CCT8: variants seen among roughly 807,000 people sequenced by gnomAD.
CCT8 encodes T-complex protein 1 subunit theta.
A neutral mutation model predicts 65.7 loss-of-function variants in CCT8; 10 were observed. That is an observed-to-expected ratio of 0.15 (90% CI 0.09 to 0.26). The LOEUF (loss-of-function observed/expected upper bound fraction) is 0.26, where lower values mean the gene tolerates loss of function less well. CCT8 is among the 10% of genes least tolerant of loss of function. The pLI, the probability that CCT8 is intolerant of heterozygous loss-of-function variation, is 1.00. For missense variants in CCT8, 568 were observed against 669.1 expected (o/e 0.85, Z 1.67); for synonymous variants, 199 against 221.8 (o/e 0.90, Z 0.92).
intron 6 of CCT8, among the ~76,000 whole-genome samples, chr21:29,066,411 A>G (rs2085622921): frequency 6.6e-6 from 1 of 151,994 alleles, no homozygotes; most frequent in Non-Finnish European, 1.5e-5. Context: ...GTGGTGGCGC[A>G]TGCCTGTAAT....
Position 29,062,427 on chromosome 21 carries a change from T to C in CCT8, c.1009-12A>G, listed in dbSNP as rs373381503. 11 of 1,612,190 alleles carry C rather than the reference T, an allele frequency of 6.8e-6. No homozygotes were observed. The highest frequency in any genetic ancestry group is 7.6e-6 in the Non-Finnish European group (9 of 1,178,292). On this transcript the variant is annotated splice_polypyrimidine_tract_variant and intron_variant, in intron 9 of 14. Transcript: ENST00000286788. ...AGGACAGGAGGTGTCTGTAAGAAAG[T>C]GACTGTTGTAATAAAAATTCCATCT...
At chr21:29,064,409 T>TAAAAA (rs34760776) in intron 7 of CCT8, among the ~76,000 whole-genome samples, 11 of 26,716 alleles carry the variant, frequency 4.1e-4, no homozygotes, top group Admixed American at 6.0e-4. Context: ...AGCAAGACTC[T>TAAAAA]AAAAAAAAAA....
intron 1 of CCT8, chr21:29,072,042 T>A: frequency 1.4e-6 from 1 of 691,420 alleles, no homozygotes; most frequent in Non-Finnish European, 2.6e-6. Context: ...CATTCCTTCC[T>A]CAGGGTCTTT....
chr21:29,059,879 T>C (rs1462318114), intron 14 of CCT8: 1 of 152,226 alleles, frequency 6.6e-6, no homozygotes, highest in African/African-American at 2.4e-5. Context: ...TAATATGACA[T>C]ATGACTTTTA....
At chr21:29,071,979 G>A (rs2085685377) in intron 1 of CCT8, 1 of 701,714 alleles carries the variant, frequency 1.4e-6, no homozygotes, top group Non-Finnish European at 2.6e-6. Context: ...GTAAGCTTCA[G>A]CCCTACAACC....
chr21:29,073,336 G>T, intron 1 of CCT8, 195 bp downstream of exon 1: 1 of 1,416,726 alleles, frequency 7.1e-7, no homozygotes, highest in Non-Finnish European at 9.2e-7. Context: ...TCTCCCGGTC[G>T]CGGAAGAAGA....
chr21:29,062,194 G>A lies in CCT8; in HGVS notation c.1146C>T (p.Asp382=), dbSNP rs1338364248. ...ISTIVLRGST[D]NLMDDIERAV... Reference sequence around the variant, plus strand: ...CCCTTTCTATGTCATCCATCAGATTGTCTGTAGAGCCTCGAAGTACTATGG... The same window carrying A: ...CCCTTTCTATGTCATCCATCAGATTATCTGTAGAGCCTCGAAGTACTATGG... The change falls in exon 11 of 15, where the codon GAC becomes GAT. Residue 382 remains aspartate, a synonymous_variant. Transcript: ENST00000286788. 1.2e-6 allele frequency: 2 copies of A among 1,613,686 alleles called. No homozygotes were observed. Among genetic ancestry groups the A allele is most frequent in the Non-Finnish European group, 8.5e-7 (1 of 1,179,920 alleles).
At chr21:29,064,368 T>C (rs1041779413) in intron 7 of CCT8, among the ~76,000 whole-genome samples, 1 of 130,020 alleles carries the variant, frequency 7.7e-6, no homozygotes, top group Non-Finnish European at 1.5e-5. Context: ...GGAGCCAAGA[T>C]TGTACCACTG....
chr21:29,069,545 A>T, intron 2 of CCT8, 43 bp from the exon 3 acceptor site: 1 of 1,187,062 alleles, frequency 8.4e-7, no homozygotes, highest in South Asian at 1.5e-5. Context: ...AGCCATTATT[A>T]ATCAAATCCT....
intron 4 of CCT8, 24 bp from the exon 5 acceptor site, chr21:29,067,095 A>G: frequency 6.4e-7 from 1 of 1,562,126 alleles, no homozygotes; most frequent in South Asian, 1.2e-5. Context: ...AACATTTCCT[A>G]TTCTGACATG....
chr21:29,066,698 A>G lies in CCT8; in HGVS notation c.624+18T>C. The G allele has an allele frequency of 1.3e-6, 2 of 1,550,796 alleles. No homozygotes were observed. Among genetic ancestry groups the G allele is most frequent in the Non-Finnish European group, 1.8e-6 (2 of 1,135,880 alleles). On this transcript the variant is annotated intron_variant, in intron 6 of 14. Transcript: ENST00000286788. ...AAAACTGACCTAGATATGTAGCATTAATGCATTTTCTACTTACCAGAATTT... is the reference window on the plus strand; with the variant it reads ...AAAACTGACCTAGATATGTAGCATTGATGCATTTTCTACTTACCAGAATTT...
At position 29,073,613 on chromosome 21, in the gene CCT8, C is replaced by G; in HGVS notation, c.-23G>C. ...CATGGCCAGCCTGCAGGAAGCAGTT[C>G]ACGCGACCGCTCGGAAGACCGCGGA... On this transcript the variant is annotated 5_prime_UTR_variant, in exon 1 of 15. Coordinates refer to ENST00000286788, the MANE Select transcript of CCT8 (RefSeq NM_006585.4). The G allele has an allele frequency of 1.2e-6, 2 of 1,612,888 alleles. No individual in the cohort carries two copies. The highest frequency in any genetic ancestry group is 1.7e-6 in the Non-Finnish European group (2 of 1,179,188).
chr21:29,063,288 A>T, intron 8 of CCT8, 64 bp downstream of exon 8: 1 of 1,243,244 alleles, frequency 8.0e-7, no homozygotes, highest in Non-Finnish European at 1.2e-6. Context: ...TATTTCGTTT[A>T]GTGTTTTCAC....
At chr21:29,060,701 T>C (rs1458089841) in intron 13 of CCT8, 41 bp from the exon 14 acceptor site, 1 of 1,608,962 alleles carries the variant, frequency 6.2e-7, no homozygotes, top group Non-Finnish European at 8.5e-7. Flanking sequence ...AAAATCCTTT[T>C]ATGTGAAAAT....
rs910056599 is a variant in CCT8, at chr21:29,071,956, C to CTT, written c.60+1573_60+1574dup. ...TGGCTCCTCCTCTGAACTTACCATT[C>CTT]TTCCTTTCTTTGGTAAGCTTCAGCC... On this transcript the variant is annotated intron_variant, in intron 1 of 14. Coordinates refer to ENST00000286788, the MANE Select transcript of CCT8 (RefSeq NM_006585.4). The CTT allele has an allele frequency of 2.3e-5, 16 of 702,392 alleles. No homozygotes were observed. In the African/African-American group the frequency reaches 2.6e-4, roughly 11 times the overall value. The allele number at this position is 702,392 out of a possible 1,614,324, so 43.5% of individuals were successfully genotyped here.
At position 29,073,548 on chromosome 21, in the gene CCT8, G is replaced by A; in HGVS notation, c.43C>T (p.Leu15Phe). The A allele has an allele frequency of 1.2e-6, 2 of 1,614,142 alleles. No individual in the cohort carries two copies. Among genetic ancestry groups the A allele is most frequent in the South Asian group, 2.2e-5 (2 of 91,090 alleles). ...VPKAPGFAQM[L>F]KEGAKHFSGL... ...GCCCTTACTTTCGCTCCCTCCTTGA[G>A]CATCTGGGCAAAGCCCGGAGCCTTG... The change falls in exon 1 of 15, where the codon CTC (leucine) becomes TTC (phenylalanine). Residue 15 changes from leucine (L) to phenylalanine (F), a missense_variant. Coordinates refer to ENST00000286788, the MANE Select transcript of CCT8 (RefSeq NM_006585.4).
intron 8 of CCT8, 87 bp from the exon 9 acceptor site, chr21:29,062,643 A>C (rs1341418985): frequency 1.1e-5 from 11 of 967,374 alleles, no homozygotes; most frequent in Non-Finnish European, 1.7e-5. Flanking sequence ...CCTGTATACC[A>C]GCCCCCATGT....
chr21:29,071,811 C>T, intron 1 of CCT8: 1 of 608,966 alleles, frequency 1.6e-6, no homozygotes, highest in Non-Finnish European at 2.9e-6. Flanking sequence ...GAGAAACTAC[C>T]ATTTGATCAG....
intron 7 of CCT8, among the ~76,000 whole-genome samples, chr21:29,063,808 CA>C (rs2085590447): frequency 6.6e-6 from 1 of 152,160 alleles, no homozygotes; most frequent in Non-Finnish European, 1.5e-5. Flanking sequence ...CTCACTCTGT[CA>C]CCATGCTGGA....
Sources: gnomAD v4.1 joint callset for allele counts (sites outside exome capture counted in the v4.1 genomes callset) on GRCh38, gnomAD v4.1.1 for gene constraint, MANE v1.5 for transcripts, NCBI Gene and HGNC (gene_info 2026-07-23, HGNC 2026-07-21) for gene names.